The following PABPC4L variants were observed in gnomAD, a reference collection of about 807,000 sequenced individuals.
The protein encoded by PABPC4L is poly(A) binding protein cytoplasmic 4 like.
For missense variants in PABPC4L, 452 were observed against 451.4 expected, an observed-to-expected ratio of 1.00 and a Z score of -0.01; for synonymous variants, 169 against 164.1, an observed-to-expected ratio of 1.03 and a Z score of -0.23.
chr4:134,039,944 C>T, the PABPC4L span, among the ~76,000 whole-genome samples: 1 of 151,956 alleles, frequency 6.6e-6, no homozygotes, highest in African/African-American at 2.4e-5. Context: ...AGAGCCAAAT[C>T]ATGAGTGAGC....
intron 1 of PABPC4L, among the ~76,000 whole-genome samples, 159 bp downstream of exon 1, chr4:134,201,559 G>T (rs371338616): frequency 2.0e-5 from 3 of 152,024 alleles, no homozygotes; most frequent in East Asian, 2.0e-4. Context: ...TGCCGGCAGC[G>T]ACGCGGGCCA....
the PABPC4L span, among the ~76,000 whole-genome samples, chr4:134,139,427 G>C: frequency 0.21 from 31,718 of 151,784 alleles, 4,109 homozygotes; most frequent in Non-Finnish European, 0.27. Flanking sequence ...CAAGGTAGCT[G>C]TAATTGAACA....
At chr4:134,193,600 T>C (rs1729573769), downstream of PABPC4L, among the ~76,000 whole-genome samples, 1 of 151,880 alleles carries the variant, frequency 6.6e-6, no homozygotes, top group Non-Finnish European at 1.5e-5. Context: ...ATATTTCAAT[T>C]TGGCTCCCAA....
chr4:133,992,187 C>T, the PABPC4L span, among the ~76,000 whole-genome samples: 1 of 152,148 alleles, frequency 6.6e-6, no homozygotes, highest in Non-Finnish European at 1.5e-5. Flanking sequence ...ATGCAGACAT[C>T]AGTATGGTCG....
the PABPC4L span, among the ~76,000 whole-genome samples, chr4:134,006,877 C>T: frequency 1.3e-5 from 2 of 151,038 alleles, no homozygotes; most frequent in East Asian, 1.9e-4. Context: ...CTTCTGCTAA[C>T]ATATGAAAGG....
the PABPC4L span, among the ~76,000 whole-genome samples, chr4:134,145,243 A>G: frequency 1.3e-5 from 2 of 151,882 alleles, no homozygotes; most frequent in African/African-American, 4.8e-5. Context: ...AACAATAAAT[A>G]AATACTGTTT....
At chr4:134,035,032 T>C in the PABPC4L span, among the ~76,000 whole-genome samples, 1 of 151,896 alleles carries the variant, frequency 6.6e-6, no homozygotes, top group African/African-American at 2.4e-5. Flanking sequence ...TTTGTAGAAA[T>C]TGCCACAGTC....
the PABPC4L span, among the ~76,000 whole-genome samples, chr4:134,017,545 A>C: frequency 6.6e-6 from 1 of 152,128 alleles, no homozygotes; most frequent in African/African-American, 2.4e-5. Context: ...TGCTATCCCC[A>C]AACTGCCACT....
chr4:133,999,852 A>G, the PABPC4L span, among the ~76,000 whole-genome samples: 1 of 152,088 alleles, frequency 6.6e-6, no homozygotes, highest in Admixed American at 6.6e-5. Context: ...GGATGAAGGG[A>G]AAATACTTAA....
chr4:134,127,969 C>T, the PABPC4L span, among the ~76,000 whole-genome samples: 2 of 151,996 alleles, frequency 1.3e-5, no homozygotes, highest in Non-Finnish European at 2.9e-5. Context: ...AAAAAACAAT[C>T]ACAACTTCTG....
At chr4:134,125,487 T>G in the PABPC4L span, among the ~76,000 whole-genome samples, 1 of 152,118 alleles carries the variant, frequency 6.6e-6, no homozygotes, top group African/African-American at 2.4e-5. Context: ...TATTCAAAAT[T>G]CTTGGATGTA....
the PABPC4L span, among the ~76,000 whole-genome samples, chr4:134,059,264 T>C: frequency 1.3e-5 from 2 of 151,298 alleles, no homozygotes; most frequent in Non-Finnish European, 2.9e-5. Context: ...TGTACATACA[T>C]CTCCAAATTA....
chr4:134,117,436 C>T, the PABPC4L span, among the ~76,000 whole-genome samples: 9 of 151,858 alleles, frequency 5.9e-5, no homozygotes, highest in South Asian at 1.7e-3. Flanking sequence ...CAGGCAGCCA[C>T]CATCTTCTCC....
chr4:134,128,570 G>A, the PABPC4L span, among the ~76,000 whole-genome samples: 1 of 152,022 alleles, frequency 6.6e-6, no homozygotes. Context: ...TGTAGATGAA[G>A]GAAAGATAAC....
At chr4:134,156,075 C>T in the PABPC4L span, among the ~76,000 whole-genome samples, 3 of 151,790 alleles carry the variant, frequency 2.0e-5, no homozygotes, top group African/African-American at 4.8e-5. Context: ...TGTTATCTGT[C>T]GGAGCCTGAA....
the PABPC4L span, among the ~76,000 whole-genome samples, chr4:134,055,032 T>A: frequency 6.6e-6 from 1 of 152,010 alleles, no homozygotes; most frequent in Non-Finnish European, 1.5e-5. Context: ...ATGCTAGGGT[T>A]TGGTGTTAGT....
the PABPC4L span, among the ~76,000 whole-genome samples, chr4:134,186,846 G>GA: frequency 2.6e-5 from 4 of 152,058 alleles, no homozygotes; most frequent in East Asian, 1.9e-4. Context: ...AAATTTACAT[G>GA]AAAAAATCAA....
chr4:133,988,085 C>A, the PABPC4L span, among the ~76,000 whole-genome samples: 2 of 152,166 alleles, frequency 1.3e-5, no homozygotes, highest in Non-Finnish European at 1.5e-5. Context: ...CTCCATGATT[C>A]AATTACCTCC....
the PABPC4L span, among the ~76,000 whole-genome samples, chr4:134,025,012 T>A: frequency 6.7e-6 from 1 of 149,416 alleles, no homozygotes; most frequent in Non-Finnish European, 1.5e-5. Flanking sequence ...TCTCCAGTGA[T>A]CTTTCTACCT....
Sources: gnomAD v4.1 joint callset for allele counts (sites outside exome capture counted in the v4.1 genomes callset) on GRCh38, gnomAD v4.1.1 for gene constraint, MANE v1.5 for transcripts, NCBI Gene and HGNC (gene_info 2026-07-23, HGNC 2026-07-21) for gene names.